Variants in SEPTIN10 observed in about 807,000 individuals in gnomAD.
SEPTIN10 encodes the protein septin 10.
Under a neutral mutation model 54.8 loss-of-function variants are expected in SEPTIN10, and 66 were observed. The observed-to-expected ratio is 1.21, with a 90% CI of 0.99 to 1.48. SEPTIN10 has a LOEUF of 1.48. Ranked by LOEUF, SEPTIN10 falls within the 40% of genes most tolerant of loss-of-function variation. The probability of loss-of-function intolerance (pLI) is 0.00; values close to 1 mark genes in which losing one functional copy is unlikely to be tolerated. For missense variants in SEPTIN10, 620 were observed against 545.6 expected (o/e 1.14, Z -1.36); for synonymous variants, 161 against 181.0 (o/e 0.89, Z 0.89).
intron 7 of SEPTIN10, among the ~76,000 whole-genome samples, chr2:109,564,881 A>C (rs769886443): frequency 6.6e-6 from 1 of 152,246 alleles, no homozygotes; most frequent in Non-Finnish European, 1.5e-5. Context: ...TCCTGAAGAC[A>C]TTTCACATAA....
Position 109,544,287 on chromosome 2 carries a change from T to C in SEPTIN10, c.*22A>G, listed in dbSNP as rs771566314. 1.2e-6 allele frequency: 2 copies of C among 1,611,500 alleles called. No homozygotes were observed. The highest frequency in any genetic ancestry group is 1.7e-5 in the Admixed American group (1 of 59,648). On this transcript the variant is annotated 3_prime_UTR_variant, in exon 11 of 11. Transcript: ENST00000397712. ...TAAAGTTTGCTTGTGATGATGACCT[T>C]CTGTGCTCTGGAACTTCTGTTTTAC...
intron 1 of SEPTIN10, among the ~76,000 whole-genome samples, chr2:109,599,509 GA>G (rs1430236489): frequency 6.6e-6 from 1 of 150,448 alleles, no homozygotes; most frequent in East Asian, 2.0e-4. Context: ...GAGTGAGCAA[GA>G]TAAGGCAGCA....
intron 4 of SEPTIN10, among the ~76,000 whole-genome samples, chr2:109,575,007 A>T (rs1689348737): frequency 6.6e-6 from 1 of 152,278 alleles, no homozygotes; most frequent in Non-Finnish European, 1.5e-5. Context: ...TGAAAATATT[A>T]GCTGAAATGC....
intron 5 of SEPTIN10, among the ~76,000 whole-genome samples, chr2:109,571,213 T>A (rs1688301434): frequency 6.6e-6 from 1 of 152,242 alleles, no homozygotes; most frequent in East Asian, 1.9e-4. Flanking sequence ...TAAGGAACTG[T>A]AAGTCAATTA....
chr2:109,562,568 G>C (rs115956744), intron 8 of SEPTIN10, among the ~76,000 whole-genome samples: 37 of 152,212 alleles, frequency 2.4e-4, no homozygotes, highest in African/African-American at 7.9e-4. Flanking sequence ...TTCATCCCTG[G>C]AAATTCTGAC....
intron 2 of SEPTIN10, among the ~76,000 whole-genome samples, chr2:109,587,019 T>C (rs1338383907): frequency 2.6e-5 from 4 of 152,076 alleles, no homozygotes; most frequent in African/African-American, 9.7e-5. Context: ...AAAAATGTGA[T>C]TCACAGTCAA....
At chr2:109,556,190 G>T (rs2104891778) in intron 8 of SEPTIN10, among the ~76,000 whole-genome samples, 1 of 152,284 alleles carries the variant, frequency 6.6e-6, no homozygotes, top group East Asian at 1.9e-4. Flanking sequence ...CCTATGTGTA[G>T]AATTTTGGAG....
intron 6 of SEPTIN10, among the ~76,000 whole-genome samples, chr2:109,566,823 T>C (rs956336292): frequency 6.6e-6 from 1 of 152,186 alleles, no homozygotes; most frequent in African/African-American, 2.4e-5. Flanking sequence ...CTGGTCTGTC[T>C]GAAGTTGAGG....
intron 10 of SEPTIN10, chr2:109,544,536 A>G: frequency 1.0e-6 from 1 of 983,802 alleles, no homozygotes; most frequent in Non-Finnish European, 1.2e-6. Flanking sequence ...TTTGCAAACA[A>G]CAGCAGGGTT....
At chr2:109,594,466 TG>T (rs1030216787) in intron 1 of SEPTIN10, among the ~76,000 whole-genome samples, 1 of 152,106 alleles carries the variant, frequency 6.6e-6, no homozygotes, top group African/African-American at 2.4e-5. Flanking sequence ...CTCTGCACTG[TG>T]GTTTTTTTTT....
chr2:109,591,692 T>G (rs1694103808), intron 2 of SEPTIN10, among the ~76,000 whole-genome samples: 2 of 151,550 alleles, frequency 1.3e-5, no homozygotes, highest in African/African-American at 2.4e-5. Flanking sequence ...AGGCCAGGAG[T>G]TCAAGACCAG....
chr2:109,546,618 A>C lies in SEPTIN10; in HGVS notation c.1162-381T>G, dbSNP rs554614751. ...AGAAAGAAATTACCAGAAAGGAAAA[A>C]AACAACAACACTATTTTCCAAATAA... On this transcript the variant is annotated intron_variant, in intron 9 of 10. Coordinates refer to ENST00000397712, the MANE Select transcript of SEPTIN10 (RefSeq NM_144710.5). 7.2e-5 allele frequency among the ~76,000 whole-genome samples: 11 copies of C among 152,328 alleles called. No individual in the cohort carries two copies. The East Asian group carries it at 1.2e-3, about 16-fold the overall frequency.
At chr2:109,608,590 A>C (rs553532045) in intron 1 of SEPTIN10, among the ~76,000 whole-genome samples, 1 of 152,338 alleles carries the variant, frequency 6.6e-6, no homozygotes, top group South Asian at 2.1e-4. Context: ...GAGCCTGACC[A>C]GGTAGCCTAT....
chr2:109,546,123 T>C lies in SEPTIN10; in HGVS notation c.1276A>G (p.Thr426Ala), dbSNP rs1187039685. Residue 426 changes from threonine to alanine, a missense_variant, in exon 10 of 11, where the codon ACC (threonine) becomes GCC (alanine). By Grantham distance (58) the Thr-to-Ala change is moderately conservative (BLOSUM62 0). Coordinates refer to ENST00000397712, the MANE Select transcript of SEPTIN10 (RefSeq NM_144710.5). Reference protein sequence around the residue: ...EIIAFSKKKATSEIFHSQSFL... With the variant: ...EIIAFSKKKAASEIFHSQSFL... ...GACTGGCTGTGAAATATCTCGGAGG[T>C]AGCTTTCTTTTTAGAGAAAGCAATT... 2 of 1,611,638 alleles carry C rather than the reference T, an allele frequency of 1.2e-6. No individual in the cohort carries two copies. Among genetic ancestry groups the C allele is most frequent in the East Asian group, 2.2e-5 (1 of 44,682 alleles).
intron 1 of SEPTIN10, among the ~76,000 whole-genome samples, chr2:109,611,823 G>A (rs1459801137): frequency 6.6e-6 from 1 of 152,110 alleles, no homozygotes; most frequent in Non-Finnish European, 1.5e-5. Context: ...TTAAAAATAA[G>A]GACACCACCA....
At chr2:109,612,534 T>C (rs934400418) in intron 1 of SEPTIN10, among the ~76,000 whole-genome samples, 2 of 152,200 alleles carry the variant, frequency 1.3e-5, no homozygotes, top group Admixed American at 6.5e-5. Context: ...TAACGCAAAA[T>C]ACAGTTTAAT....
At chr2:109,570,411 C>A (rs538123891) in intron 5 of SEPTIN10, among the ~76,000 whole-genome samples, 2 of 152,030 alleles carry the variant, frequency 1.3e-5, no homozygotes, top group South Asian at 4.1e-4. Flanking sequence ...ATTCAACCAA[C>A]TGAGGATCAA....
At chr2:109,553,528 A>G (rs1448237019) in intron 8 of SEPTIN10, among the ~76,000 whole-genome samples, 1 of 147,432 alleles carries the variant, frequency 6.8e-6, no homozygotes, top group Non-Finnish European at 1.5e-5. Context: ...TGGGTGACAG[A>G]GCGAGACTCT....
At chr2:109,577,079 T>C (rs1689852381) in intron 4 of SEPTIN10, among the ~76,000 whole-genome samples, 1 of 151,660 alleles carries the variant, frequency 6.6e-6, no homozygotes, top group South Asian at 2.1e-4. Flanking sequence ...TTAAAAGCAT[T>C]AGAGGAAAAA....
Sources: allele counts gnomAD v4.1 joint callset (sites outside exome capture counted in the v4.1 genomes callset), GRCh38; gene constraint gnomAD v4.1.1; transcripts MANE v1.5; gene names NCBI Gene and HGNC (gene_info 2026-07-23, HGNC 2026-07-21).